ENKUR: variants seen among roughly 807,000 people sequenced by gnomAD.
ENKUR encodes enkurin.
ENKUR carries 19 observed loss-of-function variants against 27.6 expected under a neutral mutation model. The observed-to-expected ratio is 0.69, with a 90% CI of 0.48 to 1.01. The LOEUF is 1.01. ENKUR is among the 50% of genes least tolerant of loss of function. ENKUR has a pLI of 0.00. For missense variants in ENKUR, 312 were observed against 310.5 expected (o/e 1.00, Z -0.04); for synonymous variants, 117 against 96.9 (o/e 1.21, Z -1.22).
intron 2 of ENKUR, among the ~76,000 whole-genome samples, chr10:25,054,967 A>C (rs1851236755): frequency 6.6e-6 from 1 of 152,124 alleles, no homozygotes. Context: ...GAGCCACTGC[A>C]CCTGGCTGGG....
intron 2 of ENKUR, chr10:25,025,383 C>T: frequency 6.2e-7 from 1 of 1,614,170 alleles, no homozygotes; most frequent in Non-Finnish European, 8.5e-7. Flanking sequence ...AGATGGAGTA[C>T]CAGGTCTGTG....
intron 1 of ENKUR, among the ~76,000 whole-genome samples, chr10:25,011,988 C>T (rs1277941502): frequency 6.6e-6 from 1 of 152,214 alleles, no homozygotes; most frequent in African/African-American, 2.4e-5. Flanking sequence ...GGGCTGGGCC[C>T]AGGGCCTTGC....
At chr10:25,000,909 G>T (rs536694621) in intron 1 of ENKUR, among the ~76,000 whole-genome samples, 3 of 152,000 alleles carry the variant, frequency 2.0e-5, no homozygotes, top group South Asian at 2.1e-4. Flanking sequence ...ACAGTATACA[G>T]GTTTAACTTA....
intron 2 of ENKUR, among the ~76,000 whole-genome samples, chr10:25,042,344 A>C (rs754636610): frequency 9.2e-5 from 14 of 151,698 alleles, no homozygotes; most frequent in Non-Finnish European, 1.9e-4. Flanking sequence ...GCTGGAGTAC[A>C]ATGGCATGAT....
At chr10:25,054,547 CCTTT>C (rs371652077) in intron 2 of ENKUR, among the ~76,000 whole-genome samples, 4,230 of 127,894 alleles carry the variant, frequency 0.033, 162 homozygotes, top group African/African-American at 0.092. Flanking sequence ...TTCTTTCTTT[CCTTT>C]CTTTCTTTCT....
At chr10:25,015,764 T>G in intron 1 of ENKUR, 96 bp downstream of exon 1, 1 of 1,148,478 alleles carries the variant, frequency 8.7e-7, no homozygotes. Context: ...AAAATACATT[T>G]TATTTATTAT....
intron 1 of ENKUR, among the ~76,000 whole-genome samples, chr10:25,012,826 GAA>G (rs1850481213): frequency 6.6e-6 from 1 of 152,190 alleles, no homozygotes; most frequent in South Asian, 2.1e-4. Context: ...GGACTGTTGG[GAA>G]GGTATGATTG....
chr10:25,046,717 C>T (rs1312809304), intron 2 of ENKUR, among the ~76,000 whole-genome samples: 1 of 152,128 alleles, frequency 6.6e-6, no homozygotes, highest in East Asian at 1.9e-4. Context: ...TAGAATGAGC[C>T]TAAAATAATC....
chr10:25,046,914 G>C (rs1343997836), intron 2 of ENKUR, among the ~76,000 whole-genome samples: 1 of 152,146 alleles, frequency 6.6e-6, no homozygotes, highest in African/African-American at 2.4e-5. Context: ...AGAAATTCAG[G>C]ATGTTTCAGT....
chr10:24,984,083 A>T lies in ENKUR; in HGVS notation c.*287T>A, dbSNP rs1447255846. On this transcript the variant is annotated 3_prime_UTR_variant, in exon 6 of 6. Coordinates refer to ENST00000331161, the MANE Select transcript of ENKUR (RefSeq NM_145010.4). ...TGCTAGAAAGGAGGCTATTCTCCTT[A>T]ATCATCCTCAATGATGCCTTTATAA... The T allele has an allele frequency of 5.7e-6, 2 of 351,596 alleles. No homozygotes were observed. The highest frequency in any genetic ancestry group is 1.0e-5 in the Non-Finnish European group (2 of 196,054). The allele number at this position is 351,596 out of a possible 1,614,324, so 21.8% of individuals were successfully genotyped here.
Position 25,024,801 on chromosome 10 carries a change from G to C in ENKUR, c.38-28932C>G, listed in dbSNP as rs762321693. 7 of 1,614,016 alleles carry C rather than the reference G, an allele frequency of 4.3e-6. No individual in the cohort carries two copies. In the African/African-American group the frequency reaches 6.7e-5, roughly 15 times the overall value. The stretch of plus-strand genomic sequence containing the variant: ...TGTATGCCAAAATGATGGGAATCCC[G>C]ATTCGAAAATTTATCTGTGCCTCTA... On this transcript the variant is annotated intron_variant, in intron 2 of 5. Transcript: ENST00000615958.
intron 2 of ENKUR, among the ~76,000 whole-genome samples, chr10:25,056,832 T>A (rs950066106): frequency 6.6e-6 from 1 of 152,178 alleles, no homozygotes; most frequent in African/African-American, 2.4e-5. Context: ...TGCTGAAAAC[T>A]CAAAACTTAA....
chr10:25,054,469 C>CTT (rs1412555616), intron 2 of ENKUR, among the ~76,000 whole-genome samples: 8 of 99,842 alleles, frequency 8.0e-5, no homozygotes, highest in Non-Finnish European at 4.4e-5. Context: ...TTCTTTCTTT[C>CTT]TTTCTTTCTT....
chr10:25,020,565 G>C (rs368371568), upstream of ENKUR, among the ~76,000 whole-genome samples: 2 of 151,896 alleles, frequency 1.3e-5, no homozygotes, highest in East Asian at 3.9e-4. Flanking sequence ...TCAGGAGTTC[G>C]AGATCAGTCT....
chr10:25,016,988 G>A (rs1850604050), upstream of ENKUR, among the ~76,000 whole-genome samples: 1 of 152,148 alleles, frequency 6.6e-6, no homozygotes, highest in Admixed American at 6.5e-5. Flanking sequence ...GCGCGCACGG[G>A]GCCCGCGGCC....
chr10:25,013,803 A>G (rs992335138), intron 1 of ENKUR, among the ~76,000 whole-genome samples: 2 of 152,128 alleles, frequency 1.3e-5, no homozygotes, highest in Non-Finnish European at 2.9e-5. Context: ...TTAGCCAGGC[A>G]TGGTAGCAGG....
At chr10:25,059,430 C>G (rs568631082) in intron 2 of ENKUR, among the ~76,000 whole-genome samples, 3 of 152,266 alleles carry the variant, frequency 2.0e-5, no homozygotes, top group African/African-American at 7.2e-5. Flanking sequence ...CTGCACCCAG[C>G]CTTGTCCTAA....
chr10:25,027,675 G>A (rs1209981722), intron 2 of ENKUR, among the ~76,000 whole-genome samples: 1 of 151,948 alleles, frequency 6.6e-6, no homozygotes, highest in African/African-American at 2.4e-5. Context: ...GATCACCTGA[G>A]GCCAGGAGTT....
At chr10:24,985,269 A>C (rs1193989137) in intron 4 of ENKUR, among the ~76,000 whole-genome samples, 1 of 152,206 alleles carries the variant, frequency 6.6e-6, no homozygotes. Context: ...CGAGTCAAAA[A>C]CATTTTTGAA....
Sources: allele counts gnomAD v4.1 joint callset (sites outside exome capture counted in the v4.1 genomes callset), GRCh38; gene constraint gnomAD v4.1.1; transcripts MANE v1.5; gene names NCBI Gene and HGNC (gene_info 2026-07-23, HGNC 2026-07-21).